The following MAP3K7CL variants were observed in gnomAD, a reference collection of about 807,000 sequenced individuals.
MAP3K7CL encodes the protein MAP3K7 C-terminal-like protein.
A neutral mutation model predicts 18.6 loss-of-function variants in MAP3K7CL; 16 were observed. The observed-to-expected ratio is 0.86, with a 90% CI of 0.58 to 1.31. MAP3K7CL has a LOEUF of 1.31. Among genes scored for constraint, MAP3K7CL ranks in the 50% most tolerant of loss-of-function variants. The pLI, the probability that MAP3K7CL is intolerant of heterozygous loss-of-function variation, is 0.00. For missense variants in MAP3K7CL, 163 were observed against 174.4 expected (o/e 0.93, Z 0.37); for synonymous variants, 65 against 66.8 (o/e 0.97, Z 0.13).
chr21:29,164,412 G>A (rs766808071), intron 4 of MAP3K7CL, among the ~76,000 whole-genome samples: 5 of 152,328 alleles, frequency 3.3e-5, no homozygotes, highest in East Asian at 3.9e-4. Flanking sequence ...CTTGGCTGGC[G>A]TAAGCTAGAT....
At chr21:29,082,546 C>G (rs1456148759), upstream of MAP3K7CL, among the ~76,000 whole-genome samples, 1 of 152,168 alleles carries the variant, frequency 6.6e-6, no homozygotes, top group Non-Finnish European at 1.5e-5. Flanking sequence ...GTCTCAGCCT[C>G]TAGTAGGTTA....
intron 4 of MAP3K7CL, among the ~76,000 whole-genome samples, chr21:29,113,988 A>G (rs2086463650): frequency 6.6e-6 from 1 of 152,060 alleles, no homozygotes; most frequent in South Asian, 2.1e-4. Context: ...TTTCTGCCCA[A>G]ATCTGGGGTG....
intron 4 of MAP3K7CL, among the ~76,000 whole-genome samples, chr21:29,123,466 C>A (rs575310366): frequency 2.6e-5 from 4 of 152,114 alleles, no homozygotes; most frequent in Non-Finnish European, 5.9e-5. Context: ...GGCTAATTTA[C>A]AGTGGACAGA....
intron 1 of MAP3K7CL, 66 bp from the exon 2 acceptor site, chr21:29,133,240 G>T: frequency 8.3e-7 from 1 of 1,201,372 alleles, no homozygotes; most frequent in Non-Finnish European, 1.2e-6. Context: ...TAATTTCCAA[G>T]GGCCTCTGAG....
At chr21:29,167,286 G>A (rs2123214649) in intron 4 of MAP3K7CL, among the ~76,000 whole-genome samples, 1 of 152,240 alleles carries the variant, frequency 6.6e-6, no homozygotes, top group Non-Finnish European at 1.5e-5. Flanking sequence ...CATAATTTTA[G>A]TGTGTTCAGG....
intron 2 of MAP3K7CL, among the ~76,000 whole-genome samples, chr21:29,147,673 C>T (rs1245238728): frequency 6.7e-6 from 1 of 149,988 alleles, no homozygotes; most frequent in African/African-American, 2.5e-5. Flanking sequence ...TCTGTACTGT[C>T]TCTATTGTAT....
chr21:29,148,181 T>C (rs1220923179), intron 2 of MAP3K7CL, among the ~76,000 whole-genome samples: 2 of 152,020 alleles, frequency 1.3e-5, no homozygotes, highest in African/African-American at 4.8e-5. Flanking sequence ...ACTGTATGTA[T>C]ATGTGTACTG....
At chr21:29,147,292 GTATATGCACTGTATCTGTACTGTATACA>G (rs1471964140) in intron 2 of MAP3K7CL, among the ~76,000 whole-genome samples, 2 of 151,834 alleles carry the variant, frequency 1.3e-5, no homozygotes, top group African/African-American at 2.4e-5. Flanking sequence ...TGCATATGTA[GTATATGCACTGTATCTGTACTGTATACA>G]TATATGCACT....
intron 4 of MAP3K7CL, among the ~76,000 whole-genome samples, chr21:29,124,979 G>GA (rs1033047234): frequency 2.6e-5 from 4 of 152,136 alleles, no homozygotes; most frequent in African/African-American, 9.7e-5. Context: ...CAACCTAGAT[G>GA]AAAAAACTGA....
chr21:29,122,991 GT>G (rs1050714963), intron 4 of MAP3K7CL, among the ~76,000 whole-genome samples: 11 of 148,680 alleles, frequency 7.4e-5, no homozygotes, highest in African/African-American at 2.7e-4. Flanking sequence ...ATTATATATA[GT>G]TTTATGCTTA....
intron 2 of MAP3K7CL, among the ~76,000 whole-genome samples, chr21:29,137,274 A>T (rs551994855): frequency 1.3e-5 from 2 of 152,312 alleles, no homozygotes; most frequent in African/African-American, 4.8e-5. Flanking sequence ...TAGATTGTTC[A>T]TATCCTATTT....
At chr21:29,103,351 G>C (rs1001474303) in intron 4 of MAP3K7CL, among the ~76,000 whole-genome samples, 2 of 152,116 alleles carry the variant, frequency 1.3e-5, no homozygotes, top group Admixed American at 1.3e-4. Flanking sequence ...CAGCACTTTG[G>C]GAGGCTGAGG....
intron 2 of MAP3K7CL, among the ~76,000 whole-genome samples, chr21:29,140,975 C>T: frequency 6.6e-6 from 1 of 152,118 alleles, no homozygotes; most frequent in East Asian, 1.9e-4. Flanking sequence ...TGGCATCTCA[C>T]TATGTTGCTC....
At chr21:29,132,412 T>G (rs1175409487) in intron 1 of MAP3K7CL, among the ~76,000 whole-genome samples, 1 of 152,214 alleles carries the variant, frequency 6.6e-6, no homozygotes, top group Non-Finnish European at 1.5e-5. Flanking sequence ...ATGTGCATCC[T>G]TAGAAATGTT....
At chr21:29,102,796 T>G (rs1211167713) in intron 4 of MAP3K7CL, among the ~76,000 whole-genome samples, 1 of 152,210 alleles carries the variant, frequency 6.6e-6, no homozygotes. Flanking sequence ...TTATTCTCTC[T>G]TGGATTATGG....
chr21:29,148,124 CTG>C (rs1371910272), intron 2 of MAP3K7CL, among the ~76,000 whole-genome samples: 1 of 149,654 alleles, frequency 6.7e-6, no homozygotes, highest in Non-Finnish European at 1.5e-5. Flanking sequence ...GTATGTGTGT[CTG>C]TATTTTATAT....
chr21:29,132,210 T>C (rs1004600504), intron 1 of MAP3K7CL, among the ~76,000 whole-genome samples: 6 of 152,244 alleles, frequency 3.9e-5, no homozygotes, highest in African/African-American at 9.6e-5. Context: ...ATATCTTGGT[T>C]AAAATATATT....
At chr21:29,080,123 A>T (rs906694861) in intron 1 of MAP3K7CL, among the ~76,000 whole-genome samples, 10 of 152,222 alleles carry the variant, frequency 6.6e-5, no homozygotes, top group Admixed American at 2.6e-4. Flanking sequence ...TTATGAATCA[A>T]CTGTTGATGA....
intron 1 of MAP3K7CL, 42 bp downstream of exon 1, chr21:29,130,965 A>G: frequency 2.1e-6 from 2 of 966,634 alleles, no homozygotes; most frequent in Non-Finnish European, 2.5e-6. Context: ...TGCTCAGATC[A>G]GCAGCAACTT....
Sources: allele counts gnomAD v4.1 joint callset (sites outside exome capture counted in the v4.1 genomes callset), GRCh38; gene constraint gnomAD v4.1.1; transcripts MANE v1.5; gene names NCBI Gene and HGNC (gene_info 2026-07-23, HGNC 2026-07-21).